CNTNAP2: variants seen among roughly 807,000 people sequenced by gnomAD.
The protein encoded by CNTNAP2 is contactin associated protein 2, also known as contactin-associated protein-like 2.
Under a neutral mutation model 155.2 loss-of-function variants are expected in CNTNAP2, and 98 were observed. The observed-to-expected ratio is 0.63, with a 90% CI of 0.54 to 0.75. The LOEUF is 0.75. Among genes scored for constraint, CNTNAP2 ranks in the 30% least tolerant of loss-of-function variants. The pLI, the probability that CNTNAP2 is intolerant of heterozygous loss-of-function variation, is 0.00. For synonymous variants in CNTNAP2, 651 were observed against 631.2 expected (o/e 1.03, Z -0.47); for missense variants, 1,727 against 1,688.1 (o/e 1.02, Z -0.40).
intron 2 of CNTNAP2, among the ~76,000 whole-genome samples, chr7:146,799,852 A>G (rs1284682512): frequency 6.6e-6 from 1 of 152,196 alleles, no homozygotes; most frequent in African/African-American, 2.4e-5. Context: ...CCTATCTCAC[A>G]GAGACATTTT....
chr7:146,199,938 A>T (rs1239921862), intron 1 of CNTNAP2, among the ~76,000 whole-genome samples: 1 of 152,192 alleles, frequency 6.6e-6, no homozygotes, highest in Non-Finnish European at 1.5e-5. Flanking sequence ...GCTAGCTAAA[A>T]TAAACTAATC....
intron 12 of CNTNAP2, among the ~76,000 whole-genome samples, chr7:147,592,310 G>A (rs1177997622): frequency 6.6e-6 from 1 of 152,054 alleles, no homozygotes; most frequent in Non-Finnish European, 1.5e-5. Context: ...AATCAATATA[G>A]TTTAAAAATA....
chr7:146,966,956 C>T (rs1797669850), intron 3 of CNTNAP2, among the ~76,000 whole-genome samples: 1 of 152,074 alleles, frequency 6.6e-6, no homozygotes, highest in African/African-American at 2.4e-5. Context: ...GGAGGTGGGA[C>T]ACAGGCAGCC....
intron 4 of CNTNAP2, among the ~76,000 whole-genome samples, chr7:147,103,675 T>C (rs1037827840): frequency 1.3e-5 from 2 of 151,952 alleles, no homozygotes; most frequent in Non-Finnish European, 2.9e-5. Flanking sequence ...ATAAAAGAAG[T>C]CTTTAATTTT....
chr7:146,708,912 G>T (rs1801014374), intron 1 of CNTNAP2, among the ~76,000 whole-genome samples: 1 of 152,066 alleles, frequency 6.6e-6, no homozygotes, highest in Non-Finnish European at 1.5e-5. Flanking sequence ...CTTAAATGCA[G>T]ATGCCTTGGT....
chr7:146,618,179 A>C (rs1248166042), intron 1 of CNTNAP2, among the ~76,000 whole-genome samples: 1 of 152,206 alleles, frequency 6.6e-6, no homozygotes, highest in Non-Finnish European at 1.5e-5. Flanking sequence ...TATGGGCTAC[A>C]GCTCAGAAGG....
intron 11 of CNTNAP2, among the ~76,000 whole-genome samples, chr7:147,494,468 C>CAAAA (rs10562874): frequency 0.14 from 16,262 of 115,646 alleles, 1,427 homozygotes; most frequent in African/African-American, 0.19. Context: ...TGAGTCTTGG[C>CAAAA]AAAAAAAAAA....
intron 1 of CNTNAP2, among the ~76,000 whole-genome samples, chr7:146,622,857 T>C (rs544359799): frequency 2.6e-5 from 4 of 151,266 alleles, no homozygotes; most frequent in African/African-American, 9.7e-5. Flanking sequence ...CTCAGGAGGC[T>C]GAGACAGGAG....
intron 1 of CNTNAP2, among the ~76,000 whole-genome samples, chr7:146,647,765 C>CA (rs1443149161): frequency 1.3e-5 from 2 of 152,166 alleles, no homozygotes; most frequent in Non-Finnish European, 1.5e-5. Context: ...TCATTCTCTC[C>CA]TGTCAGCTTT....
chr7:146,199,291 T>C (rs1798822763), intron 1 of CNTNAP2, among the ~76,000 whole-genome samples: 1 of 152,162 alleles, frequency 6.6e-6, no homozygotes, highest in South Asian at 2.1e-4. Flanking sequence ...CAGATATAAT[T>C]GTTTACTTGA....
At chr7:146,973,697 T>C (rs1797850411) in intron 3 of CNTNAP2, among the ~76,000 whole-genome samples, 1 of 152,182 alleles carries the variant, frequency 6.6e-6, no homozygotes, top group Admixed American at 6.5e-5. Flanking sequence ...CATAGCTTAA[T>C]AAAAATTATA....
intron 8 of CNTNAP2, among the ~76,000 whole-genome samples, chr7:147,277,613 CACATAT>C (rs1232229620): frequency 1.3e-5 from 2 of 151,690 alleles, no homozygotes; most frequent in African/African-American, 4.8e-5. Flanking sequence ...TAGAAATTTG[CACATAT>C]ACATTATAAG....
At chr7:147,151,756 C>CA (rs1303629039) in intron 8 of CNTNAP2, among the ~76,000 whole-genome samples, 10 of 151,848 alleles carry the variant, frequency 6.6e-5, no homozygotes, top group Non-Finnish European at 1.0e-4. Flanking sequence ...GTTTTGTTTG[C>CA]AAATCCAAAA....
intron 15 of CNTNAP2, among the ~76,000 whole-genome samples, chr7:147,986,070 C>T (rs987983627): frequency 1.3e-5 from 2 of 152,100 alleles, no homozygotes; most frequent in African/African-American, 4.8e-5. Context: ...ATTTCTGGCT[C>T]ACTTTGCTTC....
intron 13 of CNTNAP2, among the ~76,000 whole-genome samples, chr7:147,763,964 A>G (rs1257039750): frequency 3.9e-5 from 6 of 152,172 alleles, no homozygotes; most frequent in Non-Finnish European, 7.3e-5. Context: ...TCCAGTGCTG[A>G]GTCAAAACAG....
intron 1 of CNTNAP2, among the ~76,000 whole-genome samples, chr7:146,592,428 G>T (rs969307015): frequency 2.0e-5 from 3 of 152,198 alleles, no homozygotes; most frequent in Non-Finnish European, 4.4e-5. Context: ...ATGCCTGCCT[G>T]CTTTCCTGCC....
chr7:148,026,164 A>C (rs563348254), intron 15 of CNTNAP2, among the ~76,000 whole-genome samples: 1 of 152,170 alleles, frequency 6.6e-6, no homozygotes, highest in Non-Finnish European at 1.5e-5. Flanking sequence ...TTTAAAAAAT[A>C]CTAGCCAGGT....
chr7:148,150,102 CAAAAAA>C (rs71188948), intron 17 of CNTNAP2, among the ~76,000 whole-genome samples: 2 of 84,546 alleles, frequency 2.4e-5, no homozygotes, highest in Non-Finnish European at 5.0e-5. Flanking sequence ...GGGGTTGTTA[CAAAAAA>C]AAAAAAAAAA....
At chr7:147,894,612 C>A (rs575110157) in intron 13 of CNTNAP2, among the ~76,000 whole-genome samples, 1 of 152,202 alleles carries the variant, frequency 6.6e-6, no homozygotes, top group Non-Finnish European at 1.5e-5. Flanking sequence ...TCTCATCAAG[C>A]CAAAAAGATG....
Sources: allele counts gnomAD v4.1 joint callset (sites outside exome capture counted in the v4.1 genomes callset), GRCh38; gene constraint gnomAD v4.1.1; transcripts MANE v1.5; gene names NCBI Gene and HGNC (gene_info 2026-07-23, HGNC 2026-07-21).